Variants in OXR1 observed in about 807,000 individuals in gnomAD.
OXR1 encodes oxidation resistance 1, also known as oxidation resistance protein 1.
Under a neutral mutation model 104.6 loss-of-function variants are expected in OXR1, and 41 were observed. The ratio of observed to expected loss-of-function variants is 0.39; its 90% confidence interval spans 0.31 to 0.51. The LOEUF is 0.51. Ranked by LOEUF, OXR1 falls within the 20% of genes least tolerant of loss-of-function variation. The probability of loss-of-function intolerance (pLI) is 0.77; values close to 1 mark genes in which losing one functional copy is unlikely to be tolerated. For missense variants in OXR1, 955 were observed against 1,031.9 expected (o/e 0.93, Z 1.02); for synonymous variants, 348 against 348.4 (o/e 1.00, Z 0.01).
At chr8:106,359,837 T>TCTGGAAAGGATTGAAGCCTCGCA (rs1816162890) in intron 2 of OXR1, among the ~76,000 whole-genome samples, 1 of 152,166 alleles carries the variant, frequency 6.6e-6, no homozygotes, top group Non-Finnish European at 1.5e-5. Flanking sequence ...ATCTGGGGGC[T>TCTGGAAAGGATTGAAGCCTCGCA]CTGGAAAGGA....
chr8:106,363,977 C>G (rs1031125956), intron 2 of OXR1, among the ~76,000 whole-genome samples: 3 of 151,892 alleles, frequency 2.0e-5, no homozygotes, highest in African/African-American at 7.3e-5. Context: ...ATTATGTATG[C>G]TCACCCTTTT....
chr8:106,737,301 C>T (rs1027104475), intron 11 of OXR1, among the ~76,000 whole-genome samples: 1 of 152,082 alleles, frequency 6.6e-6, no homozygotes, highest in African/African-American at 2.4e-5. Context: ...ATAAACCTTA[C>T]ATACCAACTA....
At chr8:106,620,877 A>C (rs1454248049) in intron 3 of OXR1, among the ~76,000 whole-genome samples, 3 of 152,214 alleles carry the variant, frequency 2.0e-5, no homozygotes, top group African/African-American at 7.2e-5. Context: ...TAAGCCATGA[A>C]GTACTGTTAA....
At chr8:106,704,854 A>G (rs1458067101) in intron 8 of OXR1, among the ~76,000 whole-genome samples, 1 of 152,100 alleles carries the variant, frequency 6.6e-6, no homozygotes, top group Non-Finnish European at 1.5e-5. Context: ...AAATATTTAA[A>G]GATATTTCTT....
chr8:106,348,432 A>G (rs967485879), intron 1 of OXR1, among the ~76,000 whole-genome samples: 1 of 152,196 alleles, frequency 6.6e-6, no homozygotes, highest in Non-Finnish European at 1.5e-5. Flanking sequence ...GAGAATACAG[A>G]AAGATTCATT....
At chr8:106,628,703 C>A (rs76496994) in intron 3 of OXR1, among the ~76,000 whole-genome samples, 1 of 152,192 alleles carries the variant, frequency 6.6e-6, no homozygotes, top group African/African-American at 2.4e-5. Flanking sequence ...CCCCTCTCTG[C>A]TATCCTCTTC....
intron 2 of OXR1, among the ~76,000 whole-genome samples, chr8:106,471,152 A>G (rs1821471144): frequency 6.6e-6 from 1 of 151,768 alleles, no homozygotes; most frequent in Non-Finnish European, 1.5e-5. Flanking sequence ...GCATGTTTAT[A>G]TGCTGATATT....
chr8:106,707,455 G>T, intron 9 of OXR1: 1 of 505,252 alleles, frequency 2.0e-6, no homozygotes, highest in Non-Finnish European at 3.4e-6. Context: ...TAATACCTTT[G>T]ATCACTCCAT....
At chr8:106,369,382 G>T (rs1310961249) in intron 2 of OXR1, among the ~76,000 whole-genome samples, 1 of 152,162 alleles carries the variant, frequency 6.6e-6, no homozygotes, top group African/African-American at 2.4e-5. Context: ...ATTTTGCTGT[G>T]TAGAAGCTCA....
At chr8:106,594,086 C>G (rs1819327595) in intron 3 of OXR1, among the ~76,000 whole-genome samples, 1 of 152,156 alleles carries the variant, frequency 6.6e-6, no homozygotes, top group African/African-American at 2.4e-5. Flanking sequence ...GGTTTAGAAA[C>G]CTTGAGGACT....
At chr8:106,498,181 T>C (rs1447123698) in intron 2 of OXR1, among the ~76,000 whole-genome samples, 1 of 152,216 alleles carries the variant, frequency 6.6e-6, no homozygotes, top group Non-Finnish European at 1.5e-5. Flanking sequence ...AATATTGTAG[T>C]AAAATATAAT....
chr8:106,583,417 TGTA>T, intron 3 of OXR1, among the ~76,000 whole-genome samples: 1 of 152,274 alleles, frequency 6.6e-6, no homozygotes, highest in African/African-American at 2.4e-5. Flanking sequence ...AACCTATAAA[TGTA>T]GTAAATTAGA....
At chr8:106,324,349 G>A (rs1402694337) in intron 1 of OXR1, among the ~76,000 whole-genome samples, 1 of 152,050 alleles carries the variant, frequency 6.6e-6, no homozygotes, top group Non-Finnish European at 1.5e-5. Flanking sequence ...ACAGACCCTG[G>A]GGTCTACTTG....
intron 3 of OXR1, among the ~76,000 whole-genome samples, chr8:106,538,911 C>T (rs1455652248): frequency 6.6e-6 from 1 of 152,100 alleles, no homozygotes; most frequent in Non-Finnish European, 1.5e-5. Context: ...TCTTAAAAAC[C>T]TTATGCCGTA....
At chr8:106,672,520 GAGA>G (rs1827139036) in intron 3 of OXR1, among the ~76,000 whole-genome samples, 2 of 70,518 alleles carry the variant, frequency 2.8e-5, no homozygotes, top group East Asian at 8.8e-4. Flanking sequence ...GAAAGAAAGA[GAGA>G]GAGAGAGAGA....
chr8:106,538,918 C>T (rs895148340), intron 3 of OXR1, among the ~76,000 whole-genome samples: 12 of 152,056 alleles, frequency 7.9e-5, no homozygotes, highest in African/African-American at 1.7e-4. Flanking sequence ...AACCTTATGC[C>T]GTAGGTTTTT....
At chr8:106,481,449 C>A (rs1196956102) in intron 2 of OXR1, among the ~76,000 whole-genome samples, 1 of 151,906 alleles carries the variant, frequency 6.6e-6, no homozygotes, top group African/African-American at 2.4e-5. Context: ...TTTCTAAGGC[C>A]ATATTAAATG....
rs796546709 is a variant in OXR1, at chr8:106,708,352, T to C, written c.1624+1207T>C. Among the ~76,000 whole-genome samples the C allele has an allele frequency of 4.6e-5, 7 of 152,256 alleles. No homozygotes were observed. The South Asian group carries it at 1.5e-3, about 32-fold the overall frequency. ...AGGTCGAGGCTGCTATGAGCCATGA[T>C]CATGCCACTGCACTCCAGCCTGAGC... On this transcript the variant is annotated intron_variant, in intron 9 of 16. Coordinates refer to ENST00000517566, the MANE Select transcript of OXR1 (RefSeq NM_001198533.2).
chr8:106,728,640 T>A (rs1333909656), intron 11 of OXR1, among the ~76,000 whole-genome samples: 1 of 152,210 alleles, frequency 6.6e-6, no homozygotes, highest in Non-Finnish European at 1.5e-5. Flanking sequence ...TTTTATTTTT[T>A]AAAGGCCGTT....
Sources: gnomAD v4.1 joint callset for allele counts (sites outside exome capture counted in the v4.1 genomes callset) on GRCh38, gnomAD v4.1.1 for gene constraint, MANE v1.5 for transcripts, NCBI Gene and HGNC (gene_info 2026-07-23, HGNC 2026-07-21) for gene names.